Variants in KIZ observed in about 807,000 individuals in gnomAD.
KIZ encodes centrosomal protein kizuna.
Under a neutral mutation model 79.6 loss-of-function variants are expected in KIZ, and 68 were observed. That is an observed-to-expected ratio of 0.85 (90% CI 0.70 to 1.05). The LOEUF is 1.05. Among genes scored for constraint, KIZ ranks in the 50% least tolerant of loss-of-function variants. The pLI is 0.00. For missense variants in KIZ, 797 were observed against 800.4 expected, an observed-to-expected ratio of 1.00 and a Z score of 0.05; for synonymous variants, 280 against 281.8, an observed-to-expected ratio of 0.99 and a Z score of 0.06.
rs532900280 is a variant in KIZ, at chr20:21,221,707, A to T, written c.1678+6059A>T. On this transcript the variant is annotated intron_variant, in intron 9 of 12. Transcript: ENST00000619189. ...GGTCAGTATAGATTTGGAGGGTGCC[A>T]CTTGGAGTTCTAGGCAGTGCTTCCC... 4.6e-5 allele frequency among the ~76,000 whole-genome samples: 7 copies of T among 152,296 alleles called. No individual in the cohort carries two copies. In the East Asian group the frequency reaches 1.4e-3, roughly 29 times the overall value.
chr20:21,208,427 G>A (rs992003774), intron 7 of KIZ, among the ~76,000 whole-genome samples: 5 of 152,222 alleles, frequency 3.3e-5, no homozygotes, highest in African/African-American at 1.2e-4. Context: ...AAATAGGCTG[G>A]ACGCGGTGGC....
intron 1 of KIZ, among the ~76,000 whole-genome samples, 185 bp downstream of exon 1, chr20:21,126,389 G>A (rs1359455180): frequency 6.6e-6 from 1 of 152,138 alleles, no homozygotes; most frequent in Non-Finnish European, 1.5e-5. Context: ...CTGTATTGGG[G>A]GTGGGAGCGG....
chr20:21,141,779 C>T (rs1362682159), intron 3 of KIZ, among the ~76,000 whole-genome samples: 1 of 151,670 alleles, frequency 6.6e-6, no homozygotes, highest in Non-Finnish European at 1.5e-5. Flanking sequence ...AGAGCAGCCT[C>T]ACCCTTATTA....
At chr20:21,155,925 A>T (rs1398615419) in intron 4 of KIZ, among the ~76,000 whole-genome samples, 4 of 152,214 alleles carry the variant, frequency 2.6e-5, no homozygotes, top group Non-Finnish European at 2.9e-5. Flanking sequence ...GGATTTCCAT[A>T]TAGAATTACT....
At chr20:21,177,254 T>C (rs530827445) in intron 6 of KIZ, among the ~76,000 whole-genome samples, 31 of 152,346 alleles carry the variant, frequency 2.0e-4, no homozygotes, top group African/African-American at 6.0e-4. Context: ...GTGCTTGTTA[T>C]CTTTTGTTCT....
At chr20:21,155,855 A>T (rs549467354) in intron 4 of KIZ, among the ~76,000 whole-genome samples, 1 of 152,294 alleles carries the variant, frequency 6.6e-6, no homozygotes, top group Admixed American at 6.5e-5. Context: ...ATAATGCTCT[A>T]CGTGAACTTG....
rs186516677 is a variant in KIZ, at chr20:21,210,708, T to A, written c.1447-3827T>A. On this transcript the variant is annotated intron_variant, in intron 7 of 12. Coordinates refer to ENST00000619189, the MANE Select transcript of KIZ (RefSeq NM_018474.6). ...CTGGAAGGGTCATCAGAGTTACCAG[T>A]AATGGATGAAAATAACATTTCTCTG... Among the ~76,000 whole-genome samples the A allele has an allele frequency of 2.4e-4, 36 of 152,188 alleles. No individual in the cohort carries two copies. In the East Asian group the frequency reaches 6.7e-3, roughly 29 times the overall value.
intron 11 of KIZ, among the ~76,000 whole-genome samples, chr20:21,243,776 A>G (rs2037297810): frequency 6.6e-6 from 1 of 152,162 alleles, no homozygotes; most frequent in South Asian, 2.1e-4. Context: ...AACTGTTAGT[A>G]TTGCTGCCAC....
At chr20:21,127,253 T>C (rs1308388927) in intron 1 of KIZ, among the ~76,000 whole-genome samples, 2 of 152,230 alleles carry the variant, frequency 1.3e-5, no homozygotes, top group Non-Finnish European at 2.9e-5. Context: ...CTTTCTGACA[T>C]GTCACCGCTC....
chr20:21,140,044 C>T (rs2032430924), intron 3 of KIZ, among the ~76,000 whole-genome samples: 2 of 152,164 alleles, frequency 1.3e-5, no homozygotes, highest in African/African-American at 2.4e-5. Context: ...AGCGACCCCT[C>T]CAGTGATCCC....
At position 21,136,487 on chromosome 20, in the gene KIZ, T is replaced by A. The variant is rs1468705473; in HGVS notation, c.250T>A (p.Phe84Ile). The change falls in exon 3 of 13, where the codon TTT becomes ATT. Residue 84 changes from phenylalanine to isoleucine, a missense_variant. By Grantham distance (21) the Phe-to-Ile change is conservative. Coordinates refer to ENST00000619189, the MANE Select transcript of KIZ (RefSeq NM_018474.6). The stretch of plus-strand genomic sequence containing the variant: ...TCGAAACCAAGAATATTTAAAGCGA[T>A]TTGAGCGTGTCCAAGCTCATGTTGT... ...HTRNQEYLKR[F>I]ERVQAHVVHF... The A allele has an allele frequency of 1.4e-5, 22 of 1,600,564 alleles. No individual in the cohort carries two copies. The highest frequency in any genetic ancestry group is 1.9e-5 in the Non-Finnish European group (22 of 1,171,952).
chr20:21,166,420 C>T, intron 6 of KIZ: 1 of 1,595,136 alleles, frequency 6.3e-7, no homozygotes, highest in Non-Finnish European at 8.5e-7. Flanking sequence ...ACAACAATTT[C>T]CCAGCTCTGT....
chr20:21,166,586 A>T, intron 6 of KIZ: 1 of 1,344,518 alleles, frequency 7.4e-7, no homozygotes, highest in East Asian at 2.3e-5. Flanking sequence ...CAGGACATTC[A>T]TGCGCACCAT....
chr20:21,166,169 ATGAGGCAT>A (rs1382866423), intron 6 of KIZ: 1 of 901,104 alleles, frequency 1.1e-6, no homozygotes, highest in African/African-American at 1.9e-5. Context: ...TTTTTTGTCC[ATGAGGCAT>A]TTTATTTGTA....
At chr20:21,139,112 G>C (rs937064337) in intron 3 of KIZ, 5 of 146,718 alleles carry the variant, frequency 3.4e-5, no homozygotes, top group African/African-American at 5.1e-5. Context: ...ATGGACTTGT[G>C]AATTTCTATT....
At chr20:21,218,426 T>G (rs548462380) in intron 9 of KIZ, 1 of 152,290 alleles carries the variant, frequency 6.6e-6, no homozygotes, top group East Asian at 1.9e-4. Flanking sequence ...AATGCAGCAT[T>G]TTCCAAAATG....
At chr20:21,176,786 AAG>A (rs2034455747) in intron 6 of KIZ, among the ~76,000 whole-genome samples, 1 of 152,208 alleles carries the variant, frequency 6.6e-6, no homozygotes, top group Non-Finnish European at 1.5e-5. Flanking sequence ...AAGAATAAAA[AAG>A]TAATGCTAGA....
At chr20:21,139,361 G>T (rs567962206) in intron 3 of KIZ, among the ~76,000 whole-genome samples, 1 of 152,020 alleles carries the variant, frequency 6.6e-6, no homozygotes, top group South Asian at 2.1e-4. Context: ...ATGGAGAGGG[G>T]TATTTAGAAA....
intron 6 of KIZ, among the ~76,000 whole-genome samples, chr20:21,193,616 CAAT>C (rs111400835): frequency 0.015 from 2,205 of 152,056 alleles, 48 homozygotes; most frequent in African/African-American, 0.05. Context: ...AAATGTCCAA[CAAT>C]GATAGACTGG....
Sources: allele counts gnomAD v4.1 joint callset (sites outside exome capture counted in the v4.1 genomes callset), GRCh38; gene constraint gnomAD v4.1.1; transcripts MANE v1.5; gene names NCBI Gene and HGNC (gene_info 2026-07-23, HGNC 2026-07-21).